Variants in TIAM2 observed in about 807,000 individuals in gnomAD.
The protein encoded by TIAM2 is rho guanine nucleotide exchange factor TIAM2.
TIAM2 carries 80 observed loss-of-function variants against 152.9 expected under a neutral mutation model. The observed-to-expected ratio is 0.52, with a 90% CI of 0.44 to 0.63. The LOEUF is 0.63. TIAM2 is among the 30% of genes least tolerant of loss of function. TIAM2 has a pLI of 0.00. For missense variants in TIAM2, 1,965 were observed against 2,120.1 expected, an observed-to-expected ratio of 0.93 and a Z score of 1.44; for synonymous variants, 804 against 838.0, an observed-to-expected ratio of 0.96 and a Z score of 0.70.
intron 4 of TIAM2, among the ~76,000 whole-genome samples, chr6:155,134,747 C>T (rs766082116): frequency 9.2e-5 from 14 of 151,870 alleles, no homozygotes; most frequent in East Asian, 1.9e-4. Context: ...GCTCTGTCGC[C>T]GAGGCTGGAG....
intron 18 of TIAM2, among the ~76,000 whole-genome samples, chr6:155,245,269 C>G (rs1022003385): frequency 6.6e-6 from 1 of 152,258 alleles, no homozygotes; most frequent in Non-Finnish European, 1.5e-5. Context: ...TGGAACCATA[C>G]AGACAGCATC....
At chr6:155,104,279 A>G (rs1041062305) in intron 2 of TIAM2, among the ~76,000 whole-genome samples, 1 of 151,798 alleles carries the variant, frequency 6.6e-6, no homozygotes, top group Admixed American at 6.6e-5. Context: ...TGGACTAGGG[A>G]ATTTTGCAGG....
intron 2 of TIAM2, among the ~76,000 whole-genome samples, chr6:155,117,270 C>T (rs954724708): frequency 4.9e-5 from 6 of 122,930 alleles, no homozygotes; most frequent in Admixed American, 3.9e-4. Context: ...TGTAATTTTG[C>T]TTGAAAGTGT....
intron 2 of TIAM2, among the ~76,000 whole-genome samples, chr6:155,110,106 G>A (rs756909266): frequency 7.3e-5 from 11 of 151,652 alleles, no homozygotes; most frequent in Middle Eastern, 3.4e-3. Flanking sequence ...CTGCCACTAC[G>A]CCCGGCTAAT....
chr6:155,137,838 T>G (rs569289218), intron 5 of TIAM2, among the ~76,000 whole-genome samples: 1 of 152,344 alleles, frequency 6.6e-6, no homozygotes, highest in East Asian at 1.9e-4. Context: ...GATTTTTTAC[T>G]TGTTTTTATT....
At chr6:155,045,840 C>CTTTTTTTT (rs11354850) in intron 1 of TIAM2, among the ~76,000 whole-genome samples, 6 of 60,480 alleles carry the variant, frequency 9.9e-5, no homozygotes, top group Non-Finnish European at 1.5e-4. Context: ...ATAGTGCCCT[C>CTTTTTTTT]TTTTTTTTTT....
At chr6:155,104,524 A>G (rs182875181) in intron 2 of TIAM2, among the ~76,000 whole-genome samples, 69 of 152,228 alleles carry the variant, frequency 4.5e-4, no homozygotes, top group East Asian at 2.1e-3. Flanking sequence ...TTGGGAGGCC[A>G]AGGTGGGCAG....
chr6:155,251,282 ATCTTTT>A (rs376138659), intron 22 of TIAM2, among the ~76,000 whole-genome samples: 44 of 152,228 alleles, frequency 2.9e-4, no homozygotes, highest in Non-Finnish European at 5.1e-4. Context: ...GAAACCTGCT[ATCTTTT>A]TCTTTTTCTT....
At chr6:155,023,964 G>A (rs1479068136) in intron 1 of TIAM2, among the ~76,000 whole-genome samples, 2 of 152,118 alleles carry the variant, frequency 1.3e-5, no homozygotes, top group Non-Finnish European at 2.9e-5. Flanking sequence ...ATAGGAACCT[G>A]TTGATCAGAG....
At chr6:155,166,726 A>T (rs1181807171) in intron 9 of TIAM2, among the ~76,000 whole-genome samples, 1 of 152,222 alleles carries the variant, frequency 6.6e-6, no homozygotes, top group African/African-American at 2.4e-5. Flanking sequence ...TGTGTATTTC[A>T]TGGTGCACCT....
At chr6:155,130,690 TCAAC>T (rs1779425770) in intron 4 of TIAM2, among the ~76,000 whole-genome samples, 1 of 152,218 alleles carries the variant, frequency 6.6e-6, no homozygotes, top group African/African-American at 2.4e-5. Context: ...CTTGGTTTAA[TCAAC>T]AGACATCTAT....
chr6:155,016,005 G>A (rs143224496), intron 1 of TIAM2, among the ~76,000 whole-genome samples: 1 of 120,838 alleles, frequency 8.3e-6, no homozygotes, highest in Non-Finnish European at 1.8e-5. Context: ...ATGTACATCA[G>A]ACCATCAAGA....
intron 12 of TIAM2, among the ~76,000 whole-genome samples, chr6:155,180,784 T>C (rs2115138805): frequency 6.6e-6 from 1 of 152,142 alleles, no homozygotes; most frequent in African/African-American, 2.4e-5. Context: ...AATTTTTGTA[T>C]TTTTAGTAGA....
At chr6:155,047,688 G>GAGAGAGAGAGAGAGAGAGAGAGAGGGGA (rs71023609) in intron 1 of TIAM2, among the ~76,000 whole-genome samples, 1 of 44,684 alleles carries the variant, frequency 2.2e-5, no homozygotes, top group African/African-American at 8.3e-5. Context: ...GAGAGAGAGA[G>GAGAGAGAGAGAGAGAGAGAGAGAGGGGA]GAGAGAGAGA....
intron 1 of TIAM2, among the ~76,000 whole-genome samples, chr6:155,068,028 C>A (rs1249002188): frequency 6.6e-6 from 1 of 152,148 alleles, no homozygotes; most frequent in African/African-American, 2.4e-5. Context: ...AGTCAAGTTT[C>A]AGGCTAAGAA....
At chr6:155,144,848 C>T in intron 6 of TIAM2, 70 bp downstream of exon 6, 1 of 1,480,662 alleles carries the variant, frequency 6.8e-7, no homozygotes, top group Admixed American at 2.5e-5. Flanking sequence ...ACAGAAAAGG[C>T]AAAACTTGGA....
intron 14 of TIAM2, among the ~76,000 whole-genome samples, chr6:155,195,049 A>G (rs181158304): frequency 9.3e-4 from 141 of 152,362 alleles, no homozygotes; most frequent in Admixed American, 1.6e-3. Flanking sequence ...CTGTGAGTCA[A>G]TGAAACCTCT....
chr6:155,110,490 A>G (rs1270676768), intron 2 of TIAM2, among the ~76,000 whole-genome samples: 2 of 151,946 alleles, frequency 1.3e-5, no homozygotes, highest in Non-Finnish European at 2.9e-5. Flanking sequence ...TCAATCTGTG[A>G]CCATCAGCTC....
At chr6:155,254,163 G>C (rs1216270938) in intron 25 of TIAM2, 103 bp downstream of exon 25, 1 of 1,275,004 alleles carries the variant, frequency 7.8e-7, no homozygotes. Context: ...ATGATATCAG[G>C]GTCATACTCC....
Sources: gnomAD v4.1 joint callset for allele counts (sites outside exome capture counted in the v4.1 genomes callset) on GRCh38, gnomAD v4.1.1 for gene constraint, MANE v1.5 for transcripts, NCBI Gene and HGNC (gene_info 2026-07-23, HGNC 2026-07-21) for gene names.